The following CATSPERD variants were observed in gnomAD, a reference collection of about 807,000 sequenced individuals.
CATSPERD encodes catsper channel auxiliary subunit delta, also known as cation channel sperm-associated auxiliary subunit delta.
In CATSPERD, 86 loss-of-function variants were observed where a neutral mutation model predicts 98.1. The observed-to-expected ratio is 0.88, with a 90% CI of 0.74 to 1.05. The LOEUF (loss-of-function observed/expected upper bound fraction) is 1.05, where lower values mean the gene tolerates loss of function less well. Ranked by LOEUF, CATSPERD falls within the 50% of genes least tolerant of loss-of-function variation. The probability of loss-of-function intolerance (pLI) is 0.00; values close to 1 mark genes in which losing one functional copy is unlikely to be tolerated. For missense variants in CATSPERD, 995 were observed against 1,005.7 expected, an observed-to-expected ratio of 0.99 and a Z score of 0.14; for synonymous variants, 394 against 390.2, an observed-to-expected ratio of 1.01 and a Z score of -0.12.
chr19:5,741,785 C>CCGG (rs939602468), intron 7 of CATSPERD, among the ~76,000 whole-genome samples: 5 of 6,114 alleles, frequency 8.2e-4, no homozygotes, highest in East Asian at 2.8e-3. Flanking sequence ...ATGCTGAAGG[C>CCGG]GGGGGGGGGG....
At chr19:5,753,510 C>T (rs535477680) in intron 12 of CATSPERD, 3 of 272,980 alleles carry the variant, frequency 1.1e-5, no homozygotes, top group Admixed American at 4.1e-5. Flanking sequence ...TGCAGTGAGC[C>T]GAGATTACGC....
chr19:5,737,850 C>CA (rs560043195), intron 6 of CATSPERD, among the ~76,000 whole-genome samples: 9,871 of 110,778 alleles, frequency 0.089, 519 homozygotes, highest in African/African-American at 0.18. Context: ...AACTCCATCT[C>CA]AAAAAAAAAA....
chr19:5,752,839 C>A (rs1331899598), intron 12 of CATSPERD, among the ~76,000 whole-genome samples: 1 of 151,814 alleles, frequency 6.6e-6, no homozygotes, highest in Non-Finnish European at 1.5e-5. Context: ...AGCAGCCTGG[C>A]CAACATGGCG....
At chr19:5,722,780 A>C (rs531152942) in intron 1 of CATSPERD, among the ~76,000 whole-genome samples, 2 of 150,014 alleles carry the variant, frequency 1.3e-5, no homozygotes, top group South Asian at 4.3e-4. Context: ...AAGATTGAGC[A>C]CCTCTGCTGT....
chr19:5,775,135 C>T, intron 20 of CATSPERD: 1 of 400,270 alleles, frequency 2.5e-6, no homozygotes, highest in South Asian at 1.9e-5. Context: ...ACGGTTACTA[C>T]TTGAGACGGT....
At chr19:5,775,823 T>G (rs2056732451) in intron 20 of CATSPERD, among the ~76,000 whole-genome samples, 1 of 152,168 alleles carries the variant, frequency 6.6e-6, no homozygotes. Context: ...GCATTCCTTC[T>G]GGGCGGCAGA....
At chr19:5,720,860 T>G (rs1599492742) in intron 1 of CATSPERD, 52 bp downstream of exon 1, 1 of 1,494,902 alleles carries the variant, frequency 6.7e-7, no homozygotes, top group East Asian at 2.3e-5. Flanking sequence ...GTCGGGAGGG[T>G]GCTGGTTCAT....
chr19:5,771,107 G>A (rs1358062002), intron 19 of CATSPERD, 35 bp downstream of exon 19: 11 of 1,599,914 alleles, frequency 6.9e-6, no homozygotes, highest in African/African-American at 6.7e-5. Context: ...GGGTGGGGAC[G>A]GTGGCAGGGC....
intron 5 of CATSPERD, among the ~76,000 whole-genome samples, chr19:5,734,257 A>G (rs779775011): frequency 6.6e-6 from 1 of 152,062 alleles, no homozygotes; most frequent in Non-Finnish European, 1.5e-5. Flanking sequence ...GATCCCAGCA[A>G]TTTGGGAGTC....
At chr19:5,745,356 C>T (rs973937186) in intron 8 of CATSPERD, among the ~76,000 whole-genome samples, 4 of 152,070 alleles carry the variant, frequency 2.6e-5, no homozygotes, top group African/African-American at 4.8e-5. Context: ...CAGTGGCTCA[C>T]GCCTGTAATC....
intron 4 of CATSPERD, among the ~76,000 whole-genome samples, chr19:5,731,231 G>A (rs1200836189): frequency 1.3e-5 from 2 of 152,250 alleles, no homozygotes; most frequent in Admixed American, 6.6e-5. Flanking sequence ...TGTAACCCCA[G>A]CACTTTAAGA....
At position 5,763,202 on chromosome 19, in the gene CATSPERD, C is replaced by G; in HGVS notation, c.1428-13C>G. 6.2e-7 allele frequency: 1 copy of G among 1,612,022 alleles called. No homozygotes were observed. Among genetic ancestry groups the G allele is most frequent in the Non-Finnish European group, 8.5e-7 (1 of 1,178,252 alleles). On this transcript the variant is annotated splice_polypyrimidine_tract_variant and intron_variant, in intron 15 of 21. Transcript: ENST00000381624. ...TGCTATTCTCTAATAACACAGGTTC[C>G]GTTGCCTTGCAGTTTAAAGAAAGCC... is the stretch of plus-strand genomic sequence containing the variant.
intron 17 of CATSPERD, 125 bp from the exon 18 acceptor site, chr19:5,768,043 C>A: frequency 1.5e-6 from 1 of 659,436 alleles, no homozygotes; most frequent in South Asian, 2.0e-5. Context: ...GGTGATCCGC[C>A]CGCCTCAGCT....
At chr19:5,742,167 CGTGTGTGTAT>C (rs1479174898) in intron 7 of CATSPERD, among the ~76,000 whole-genome samples, 1 of 145,212 alleles carries the variant, frequency 6.9e-6, no homozygotes, top group Non-Finnish European at 1.5e-5. Context: ...CGTGTGTGTG[CGTGTGTGTAT>C]GTATGTGAAC....
rs778660807 is a variant in CATSPERD, at chr19:5,746,076, G to A, written c.808+13G>A. On this transcript the variant is annotated intron_variant, in intron 9 of 21. Coordinates refer to ENST00000381624, the MANE Select transcript of CATSPERD (RefSeq NM_152784.4). ...TCCCATAATGCAGGTGAGCCCAGGG[G>A]CCCAGGGTGGGGCTGCCGCCTGGTG... 3.1e-6 allele frequency: 5 copies of A among 1,612,174 alleles called. No individual in the cohort carries two copies. The East Asian group carries it at 1.1e-4, about 36-fold the overall frequency.
chr19:5,727,505 G>A (rs1030202628), intron 3 of CATSPERD, among the ~76,000 whole-genome samples, 161 bp downstream of exon 3: 7 of 152,126 alleles, frequency 4.6e-5, no homozygotes, highest in Admixed American at 1.3e-4. Flanking sequence ...TTGGAGGAAG[G>A]GAAATGAAGA....
At chr19:5,748,401 C>A in intron 10 of CATSPERD, 146 bp downstream of exon 10, 1 of 666,554 alleles carries the variant, frequency 1.5e-6, no homozygotes, top group Non-Finnish European at 2.6e-6. Context: ...GAGGCCGAGG[C>A]GGGTGGATCA....
At chr19:5,754,389 GTGTCT>G (rs2056284824) in intron 13 of CATSPERD, 144 bp downstream of exon 13, 1 of 339,246 alleles carries the variant, frequency 2.9e-6, no homozygotes, top group Non-Finnish European at 5.5e-6. Context: ...AATTGTCTCT[GTGTCT>G]TTTTTTTTTT....
intron 18 of CATSPERD, among the ~76,000 whole-genome samples, chr19:5,769,575 G>A (rs1375881544): frequency 6.6e-6 from 1 of 152,002 alleles, no homozygotes; most frequent in East Asian, 1.9e-4. Context: ...CTTGCCACGC[G>A]AGTGCACACT....
Sources: allele counts gnomAD v4.1 joint callset (sites outside exome capture counted in the v4.1 genomes callset), GRCh38; gene constraint gnomAD v4.1.1; transcripts MANE v1.5; gene names NCBI Gene and HGNC (gene_info 2026-07-23, HGNC 2026-07-21).